MKI67: variants seen among roughly 807,000 people sequenced by gnomAD.
MKI67 encodes marker of proliferation Ki-67.
Under a neutral mutation model 233.5 loss-of-function variants are expected in MKI67, and 152 were observed. The observed-to-expected ratio is 0.65, with a 90% CI of 0.57 to 0.74. MKI67 has a LOEUF of 0.74. MKI67 is among the 30% of genes least tolerant of loss of function. MKI67 has a pLI of 0.00. For missense variants in MKI67, 3,940 were observed against 3,885.2 expected, an observed-to-expected ratio of 1.01 and a Z score of -0.37; for synonymous variants, 1,465 against 1,418.5, an observed-to-expected ratio of 1.03 and a Z score of -0.74.
In MKI67 at chr10:128,110,466, A is replaced by T. The variant is rs1338637309; in HGVS notation, c.2328T>A (p.Ala776=). 3 of 1,590,236 alleles carry T rather than the reference A, an allele frequency of 1.9e-6. No individual in the cohort carries two copies. In the African/African-American group the frequency reaches 4.0e-5, roughly 21 times the overall value. The change falls in exon 12 of 15, where the codon GCT becomes GCA. Residue 776 remains alanine, a synonymous_variant. Coordinates refer to ENST00000368654, the MANE Select transcript of MKI67 (RefSeq NM_002417.5). ...CAAGCAAATTCTCTGAATTTGAAAT[A>T]GCGATGTGACATGTGCTTGTCAACT... ...QPQLTSTCHI[A]ISNSENLLGK... is the part of the protein sequence containing the mutation.
Position 128,106,309 on chromosome 10 carries a change from G to A in MKI67, c.5531C>T (p.Thr1844Ile), listed in dbSNP as rs749651644. The change falls in exon 13 of 15, where the codon ACT becomes ATT. Residue 1844 changes from threonine to isoleucine, a missense_variant. By Grantham distance (89) the Thr-to-Ile change is moderately conservative (BLOSUM62 -1). Transcript: ENST00000368654. The part of the protein sequence containing the change: ...GFRELFQTPC[T>I]DNPTTDEKTT... ...TTTCTCATCAGTCGTGGGGTTATCA[G>A]TGCATGGTGTCTGGAAAAGCTCTCT... is the stretch of plus-strand genomic sequence containing the variant. 6.2e-7 allele frequency: 1 copy of A among 1,612,852 alleles called. No homozygotes were observed. The highest frequency in any genetic ancestry group is 8.5e-7 in the Non-Finnish European group (1 of 1,179,810).
rs1369052622 is a variant in MKI67, at chr10:128,103,358, A to G, written c.8482T>C (p.Ser2828Pro). 1.9e-6 allele frequency: 3 copies of G among 1,613,510 alleles called. No individual in the cohort carries two copies. The highest frequency in any genetic ancestry group is 2.2e-5 in the South Asian group (2 of 91,040). The change falls in exon 13 of 15, where the codon TCA (serine) becomes CCA (proline). Residue 2828 changes from serine to proline, a missense_variant. Transcript: ENST00000368654. ...DKTTKIPCKS[S>P]PELEDTATSS... The stretch of plus-strand genomic sequence containing the variant: ...GTTGCGGTGTCTTCTAGTTCTGGTG[A>G]TGATTTGCAGGGTATTTTAGTGGTT...
At chr10:128,119,680 C>T (rs953306587) in intron 4 of MKI67, among the ~76,000 whole-genome samples, 3 of 152,208 alleles carry the variant, frequency 2.0e-5, no homozygotes, top group Admixed American at 6.5e-5. Flanking sequence ...TGGAAATCAT[C>T]GGATGGCTTG....
Position 128,109,247 on chromosome 10 carries a change from GCT to G in MKI67, c.2591_2592del (p.Glu864AlafsTer28). ...TTTGCAGTGGATACTGTTTTTGAAG[GCT>G]CTGTCTCAGTATCTGAAGTTTTTGT... ...LETKTSDTET[E>X]PSKTVSTANR... On this transcript the variant is annotated frameshift_variant, in exon 13 of 15. Transcript: ENST00000368654. LOFTEE classifies it high-confidence loss of function. The G allele has an allele frequency of 3.1e-6, 5 of 1,614,088 alleles. No homozygotes were observed. Among genetic ancestry groups the G allele is most frequent in the Non-Finnish European group, 4.2e-6 (5 of 1,180,004 alleles).
chr10:128,119,194 A>G (rs908853789), intron 5 of MKI67, 59 bp downstream of exon 5: 1 of 1,184,008 alleles, frequency 8.4e-7, no homozygotes. Context: ...ATTAAAGCAT[A>G]CATAAATGAT....
In MKI67 at chr10:128,102,655, G is replaced by T. The variant is rs754395548; in HGVS notation, c.9185C>A (p.Ala3062Glu). The T allele has an allele frequency of 6.2e-7, 1 of 1,614,026 alleles. No individual in the cohort carries two copies. The highest frequency in any genetic ancestry group is 8.5e-7 in the Non-Finnish European group (1 of 1,180,042). ...CATGTCGTTGCTGTTCAGCTCTTCC[G>T]CAGGTTCAATTCTTTTTGCAGAAGT... ...LRTSAKRIEP[A>E]EELNSNDMKT... Residue 3062 changes from alanine to glutamate, a missense_variant, in exon 13 of 15, where the codon GCG (alanine) becomes GAG (glutamate). By Grantham distance (107) the Ala-to-Glu change is moderately radical. Transcript: ENST00000368654.
chr10:128,102,617 CTT>C lies in MKI67; in HGVS notation c.9221_9222del (p.Lys3074ArgfsTer11). On this transcript the variant is annotated frameshift_variant, in exon 13 of 15. Coordinates refer to ENST00000368654, the MANE Select transcript of MKI67 (RefSeq NM_002417.5). LOFTEE classifies it high-confidence loss of function. ...ACCGAGTCTTGTAATTTGTGTTCCT[CTT>C]TGTTGGTTTTCATGTCGTTGCTGTT... is the stretch of plus-strand genomic sequence containing the variant. ...ELNSNDMKTN[K>X]EEHKLQDSVP... is the part of the protein sequence containing the mutation. 1 of 1,614,208 alleles carries C rather than the reference CTT, an allele frequency of 6.2e-7. No individual in the cohort carries two copies. The highest frequency in any genetic ancestry group is 8.5e-7 in the Non-Finnish European group (1 of 1,180,008).
Position 128,106,400 on chromosome 10 carries a change from C to G in MKI67, c.5440G>C (p.Gly1814Arg). Residue 1814 changes from glycine to arginine, a missense_variant, in exon 13 of 15, where the codon GGC (glycine) becomes CGC (arginine). By Grantham distance (125) the Gly-to-Arg change is moderately radical. Coordinates refer to ENST00000368654, the MANE Select transcript of MKI67 (RefSeq NM_002417.5). ...CGAGTTTGTAGCCGTCTATTGCTGC[C>G]AGGTAAATTTCCTGGCTGGTCCAGT... ...QKLDQPGNLPGSNRRLQTRKE... is the reference protein window; with the variant it reads ...QKLDQPGNLPRSNRRLQTRKE... 1 of 1,613,822 alleles carries G rather than the reference C, an allele frequency of 6.2e-7. No homozygotes were observed. Among genetic ancestry groups the G allele is most frequent in the Non-Finnish European group, 8.5e-7 (1 of 1,179,982 alleles).
In MKI67 at chr10:128,115,132, T is replaced by C. The variant is rs751241914; in HGVS notation, c.1276A>G (p.Ile426Val). The C allele has an allele frequency of 9.9e-6, 16 of 1,614,120 alleles. No individual in the cohort carries two copies. The South Asian group carries it at 1.8e-4, about 18-fold the overall frequency. ...ENLSSKTRGSIPTDVEVLPTE... is the reference protein window; with the variant it reads ...ENLSSKTRGSVPTDVEVLPTE... ...GGCAGAACTTCCACATCTGTAGGAATACTTCCTCTGGTTTTGGAAGAGAGA... is the reference window on the plus strand; with the variant it reads ...GGCAGAACTTCCACATCTGTAGGAACACTTCCTCTGGTTTTGGAAGAGAGA... The change falls in exon 7 of 15, where the codon ATT (isoleucine) becomes GTT (valine). Residue 426 changes from isoleucine (I) to valine (V), a missense_variant. Transcript: ENST00000368654.
Position 128,104,054 on chromosome 10 carries a change from T to C in MKI67, c.7786A>G (p.Thr2596Ala). 1 of 1,614,070 alleles carries C rather than the reference T, an allele frequency of 6.2e-7. No individual in the cohort carries two copies. ...CKSPPPELTD[T>A]ATSTKRCPKT... is the part of the protein sequence containing the mutation. ...GGGCATCTCTTTGTGCTCGTGGCAGTGTCTGTTAGTTCTGGTGGGGGAGAT... is the reference window on the plus strand; with the variant it reads ...GGGCATCTCTTTGTGCTCGTGGCAGCGTCTGTTAGTTCTGGTGGGGGAGAT... Residue 2596 changes from threonine to alanine, a missense_variant, in exon 13 of 15, where the codon ACT (threonine) becomes GCT (alanine). Thr to Ala is a moderately conservative substitution (Grantham distance 58, BLOSUM62 0). Transcript: ENST00000368654.
chr10:128,109,153 G>A lies in MKI67; in HGVS notation c.2687C>T (p.Thr896Ile). The A allele has an allele frequency of 6.2e-7, 1 of 1,614,002 alleles. No individual in the cohort carries two copies. The highest frequency in any genetic ancestry group is 1.1e-5 in the South Asian group (1 of 91,076). Residue 896 changes from threonine (T) to isoleucine (I), a missense_variant, in exon 13 of 15, where the codon ACA (threonine) becomes ATA (isoleucine). By Grantham distance (89) the Thr-to-Ile change is moderately conservative. Coordinates refer to ENST00000368654, the MANE Select transcript of MKI67 (RefSeq NM_002417.5). ...KLPVESKSEE[T>I]NTEIVECILK... ...GATGCACTCAACAATTTCTGTATTTGTTTCTTCACTCTTACTTTCCACAGG... is the reference window on the plus strand; with the variant it reads ...GATGCACTCAACAATTTCTGTATTTATTTCTTCACTCTTACTTTCCACAGG...
rs1435275849 is a variant in MKI67, at chr10:128,097,215, G to A, written c.*1975C>T. On this transcript the variant is annotated 3_prime_UTR_variant, in exon 15 of 15. Transcript: ENST00000368654. ...GAAGTTACCATACCATGGTGGAAAT[G>A]GGTGGGTATTTGTTCTCAAATCCAG... 6.6e-6 allele frequency: 1 copy of A among 152,190 alleles called. No homozygotes were observed. The highest frequency in any genetic ancestry group is 2.4e-5 in the African/African-American group (1 of 41,438). The allele number at this position is 152,190 out of a possible 1,614,324, so 9.4% of individuals were successfully genotyped here.
Position 128,109,102 on chromosome 10 carries a change from A to G in MKI67, c.2738T>C (p.Leu913Pro), listed in dbSNP as rs371579703. Reference protein sequence around the residue: ...CILKRGQKATLLQQRREGEMK... With the variant: ...CILKRGQKATPLQQRREGEMK... Reference sequence around the variant, plus strand: ...CTCTCCTTCTCTCCTTTGTTGTAGTAGTGTTGCCTTCTGACCTCTTTTTAG... The same window carrying G: ...CTCTCCTTCTCTCCTTTGTTGTAGTGGTGTTGCCTTCTGACCTCTTTTTAG... The change falls in exon 13 of 15, where the codon CTA becomes CCA. Residue 913 changes from leucine to proline, a missense_variant. By Grantham distance (98) the Leu-to-Pro change is moderately conservative (BLOSUM62 -3). Transcript: ENST00000368654. 11 of 1,613,946 alleles carry G rather than the reference A, an allele frequency of 6.8e-6. No homozygotes were observed. Among genetic ancestry groups the G allele is most frequent in the Non-Finnish European group, 9.3e-6 (11 of 1,180,030 alleles).
rs1228352922 is a variant in MKI67, at chr10:128,113,527, T to C, written c.1556A>G (p.Glu519Gly). The C allele has an allele frequency of 1.2e-6, 2 of 1,614,216 alleles. No homozygotes were observed. Among genetic ancestry groups the C allele is most frequent in the Admixed American group, 1.7e-5 (1 of 60,026 alleles). Reference sequence around the variant, plus strand: ...GAGAGGCGTATTAGGAGGCAAGTTTTCATCAAATAGTTCAGGTCTTAGGTG... The same window carrying C: ...GAGAGGCGTATTAGGAGGCAAGTTTCCATCAAATAGTTCAGGTCTTAGGTG... The part of the protein sequence containing the change: ...GGHLRPELFD[E>G]NLPPNTPLKR... Residue 519 changes from glutamate to glycine, a missense_variant, in exon 8 of 15, where the codon GAA becomes GGA. Physicochemically the swap from Glu to Gly is moderately conservative, Grantham distance 98. Transcript: ENST00000368654.
chr10:128,102,713 C>T lies in MKI67; in HGVS notation c.9127G>A (p.Glu3043Lys), dbSNP rs1355127299. The T allele has an allele frequency of 3.7e-6, 6 of 1,614,222 alleles. No homozygotes were observed. Among genetic ancestry groups the T allele is most frequent in the South Asian group, 2.2e-5 (2 of 91,086 alleles). ...VAPRARGKSSEPVVIMKRSLR... is the reference protein window; with the variant it reads ...VAPRARGKSSKPVVIMKRSLR... ...CTTCTCTTCATGATGACCACGGGTT[C>T]GGATGATTTGCCTCTTGCCCTGGGA... is the stretch of plus-strand genomic sequence containing the variant. The change falls in exon 13 of 15, where the codon GAA (glutamate) becomes AAA (lysine). Residue 3043 changes from glutamate to lysine, a missense_variant. Physicochemically the swap from Glu to Lys is moderately conservative, Grantham distance 56 (BLOSUM62 1). Coordinates refer to ENST00000368654, the MANE Select transcript of MKI67 (RefSeq NM_002417.5).
At chr10:128,112,586 T>G (rs929047813) in intron 8 of MKI67, 141 bp from the exon 9 acceptor site, 2 of 827,540 alleles carry the variant, frequency 2.4e-6, no homozygotes, top group African/African-American at 3.4e-5. Flanking sequence ...CTTTGAAGAC[T>G]ATGGTAGAGG....
chr10:128,108,909 T>G lies in MKI67; in HGVS notation c.2931A>C (p.Lys977Asn), dbSNP rs139279267. The change falls in exon 13 of 15, where the codon AAA becomes AAC. Residue 977 changes from lysine to asparagine, a missense_variant. Transcript: ENST00000368654. Reference sequence around the variant, plus strand: ...GGAGATTCTGGCCACGTGCCGTGTCTTTCATGAGTTCTGTATCAGGCAAGC... The same window carrying G: ...GGAGATTCTGGCCACGTGCCGTGTCGTTCATGAGTTCTGTATCAGGCAAGC... Reference protein sequence around the residue: ...LKSLPDTELMKDTARGQNLLQ... With the variant: ...LKSLPDTELMNDTARGQNLLQ... 9,745 of 1,614,228 alleles carry G rather than the reference T, an allele frequency of 6.0e-3. 42 individuals are homozygous for G. Among genetic ancestry groups the G allele is most frequent in the Non-Finnish European group, 7.6e-3 (8,969 of 1,180,038 alleles).
At chr10:128,110,640 C>T (rs1852655393) in intron 11 of MKI67, 107 bp from the exon 12 acceptor site, 2 of 773,588 alleles carry the variant, frequency 2.6e-6, no homozygotes, top group Admixed American at 5.1e-5. Context: ...ACAGTAGATT[C>T]CTCCCTTGAA....
chr10:128,100,508 C>T (rs559149738), intron 14 of MKI67, among the ~76,000 whole-genome samples: 1 of 152,270 alleles, frequency 6.6e-6, no homozygotes, highest in South Asian at 2.1e-4. Context: ...GTTTTAGGTC[C>T]AAATTTTGTG....
Sources: allele counts gnomAD v4.1 joint callset (sites outside exome capture counted in the v4.1 genomes callset), GRCh38; gene constraint gnomAD v4.1.1; transcripts MANE v1.5; gene names NCBI Gene and HGNC (gene_info 2026-07-23, HGNC 2026-07-21).